INTS7: variants seen among roughly 807,000 people sequenced by gnomAD.
INTS7 encodes the protein chromosome 1 open reading frame 73.
In INTS7, 46 loss-of-function variants were observed where a neutral mutation model predicts 109.2. The observed-to-expected ratio is 0.42, with a 90% CI of 0.33 to 0.54. The LOEUF is 0.54. INTS7 is among the 20% of genes least tolerant of loss of function. The pLI, the probability that INTS7 is intolerant of heterozygous loss-of-function variation, is 0.07. For missense variants in INTS7, 929 were observed against 1,132.4 expected (o/e 0.82, Z 2.58); for synonymous variants, 412 against 402.9 (o/e 1.02, Z -0.27).
intron 1 of INTS7, among the ~76,000 whole-genome samples, chr1:212,024,129 A>G (rs1358184146): frequency 2.0e-5 from 3 of 152,118 alleles, no homozygotes; most frequent in African/African-American, 7.2e-5. Context: ...ATAGTTTGAA[A>G]TTGGGTAATG....
rs1571925786 is a variant in INTS7, at chr1:212,032,482, T to C, written c.94+2862A>G. ...ACCTGAACGGGACTCTGGTTATCTT[T>C]CTTTTTTTTTTTTCGAGACAGTCTT... On this transcript the variant is annotated intron_variant, in intron 1 of 19. Coordinates refer to ENST00000366994, the MANE Select transcript of INTS7 (RefSeq NM_015434.4). 3.9e-5 allele frequency among the ~76,000 whole-genome samples: 6 copies of C among 151,904 alleles called. No individual in the cohort carries two copies. In the South Asian group the frequency reaches 1.0e-3, roughly 26 times the overall value.
intron 17 of INTS7, among the ~76,000 whole-genome samples, chr1:211,948,157 T>G (rs559580027): frequency 3.1e-4 from 47 of 151,806 alleles, no homozygotes; most frequent in African/African-American, 9.0e-4. Flanking sequence ...GCTCATGCTG[T>G]AAACATTTTT....
At chr1:211,944,261 T>C (rs946247581) in intron 19 of INTS7, among the ~76,000 whole-genome samples, 1 of 152,198 alleles carries the variant, frequency 6.6e-6, no homozygotes, top group African/African-American at 2.4e-5. Context: ...CCTCCTGATG[T>C]AAGAGAGACC....
chr1:211,976,777 A>T, intron 11 of INTS7, 58 bp from the exon 12 acceptor site: 1 of 1,551,976 alleles, frequency 6.4e-7, no homozygotes, highest in Non-Finnish European at 8.9e-7. Flanking sequence ...AGTGTCATTG[A>T]TAACCTACCC....
Position 211,946,489 on chromosome 1 carries a change from A to G in INTS7, c.2415+118T>C, listed in dbSNP as rs750426311. On this transcript the variant is annotated intron_variant, in intron 18 of 19. Coordinates refer to ENST00000366994, the MANE Select transcript of INTS7 (RefSeq NM_015434.4). The surrounding 1 kb of genome is among the most constrained non-coding windows in gnomAD (Gnocchi z 4.3). ...AGACTCTGTCTCAAAAAACAAAACAAAACAAAAAAACCAATAAACCAAAGG... is the reference window on the plus strand; with the variant it reads ...AGACTCTGTCTCAAAAAACAAAACAGAACAAAAAAACCAATAAACCAAAGG... 1.4e-5 allele frequency: 9 copies of G among 623,822 alleles called. No homozygotes were observed. The highest frequency in any genetic ancestry group is 2.5e-5 in the Non-Finnish European group (9 of 361,828). The allele number at this position is 623,822 out of a possible 1,614,324, so 38.6% of individuals were successfully genotyped here. A position where few individuals can be genotyped will look rare whatever the true frequency, so the allele number is the denominator to read the frequency against.
chr1:211,980,445 A>AT (rs1013930522), intron 10 of INTS7, among the ~76,000 whole-genome samples: 1 of 151,706 alleles, frequency 6.6e-6, no homozygotes, highest in African/African-American at 2.4e-5. Flanking sequence ...TTATTTATTT[A>AT]TTTTTTTTGA....
At position 211,987,956 on chromosome 1, in the gene INTS7, T is replaced by C. The variant is rs529783782; in HGVS notation, c.927A>G (p.Leu309=). ...GTGTGGAAAGGACAGACAACATCCC[T>C]AGTTTTAAGCTGTCATAAGGAGTCT... ...ALQTPYDSLK[L]GMLSVLSTLS... The change falls in exon 8 of 20, where the codon CTA becomes CTG. Residue 309 remains leucine (L), a synonymous_variant. Coordinates refer to ENST00000366994, the MANE Select transcript of INTS7 (RefSeq NM_015434.4). 3.7e-6 allele frequency: 6 copies of C among 1,612,816 alleles called. No homozygotes were observed. Among genetic ancestry groups the C allele is most frequent in the East Asian group, 4.5e-5 (2 of 44,850 alleles).
chr1:212,021,248 G>T, intron 1 of INTS7, 36 bp from the exon 2 acceptor site: 1 of 1,561,538 alleles, frequency 6.4e-7, no homozygotes, highest in Non-Finnish European at 8.6e-7. Context: ...GGGAAGAACA[G>T]TTTGCATATT....
intron 16 of INTS7, among the ~76,000 whole-genome samples, chr1:211,962,309 G>C (rs1316703330): frequency 7.0e-6 from 1 of 143,364 alleles, no homozygotes; most frequent in African/African-American, 2.6e-5. Context: ...AATGGTAAAA[G>C]GTTCAATTCA....
chr1:211,970,573 C>T (rs1007146992), intron 13 of INTS7, among the ~76,000 whole-genome samples: 1 of 151,986 alleles, frequency 6.6e-6, no homozygotes, highest in East Asian at 1.9e-4. Flanking sequence ...AGATTAGTAT[C>T]CAGAACATAT....
intron 7 of INTS7, among the ~76,000 whole-genome samples, chr1:211,991,901 GA>G (rs1156929278): frequency 6.6e-6 from 1 of 152,238 alleles, no homozygotes; most frequent in African/African-American, 2.4e-5. Flanking sequence ...GAGGCCAAGA[GA>G]AGGGGCAGGT....
At chr1:211,958,783 T>C (rs777251472) in intron 16 of INTS7, among the ~76,000 whole-genome samples, 40 of 152,272 alleles carry the variant, frequency 2.6e-4, no homozygotes, top group East Asian at 5.8e-4. Context: ...GAAACTGATA[T>C]TGGAATCTCA....
intron 16 of INTS7, 47 bp from the exon 17 acceptor site, chr1:211,952,748 A>AT (rs1663159344): frequency 6.8e-6 from 10 of 1,476,638 alleles, no homozygotes; most frequent in African/African-American, 2.8e-5. Flanking sequence ...TAGCATGGCT[A>AT]TTTAATGCCT....
intron 1 of INTS7, among the ~76,000 whole-genome samples, chr1:212,033,188 G>A (rs1285351575): frequency 6.6e-6 from 1 of 151,974 alleles, no homozygotes; most frequent in African/African-American, 2.4e-5. Context: ...CTTGGAGTTT[G>A]GGAACGAAAA....
At chr1:211,945,087 C>T in intron 18 of INTS7, 118 bp from the exon 19 acceptor site, 1 of 840,280 alleles carries the variant, frequency 1.2e-6, no homozygotes, top group Non-Finnish European at 1.9e-6. Flanking sequence ...CTCCCCCACC[C>T]CCACAGGACC....
intron 3 of INTS7, among the ~76,000 whole-genome samples, chr1:212,018,295 A>G (rs773387686): frequency 6.6e-6 from 1 of 152,066 alleles, no homozygotes; most frequent in South Asian, 2.1e-4. Context: ...AGCTTTCTAG[A>G]GATCGCTGGC....
intron 17 of INTS7, among the ~76,000 whole-genome samples, chr1:211,947,521 C>T (rs1424709724): frequency 1.3e-5 from 2 of 152,142 alleles, no homozygotes; most frequent in Non-Finnish European, 2.9e-5. Flanking sequence ...TCTCAGTGGC[C>T]TCGTAAGTCA....
Position 211,952,458 on chromosome 1 carries a change from A to G in INTS7, c.2316+111T>C, listed in dbSNP as rs1007724909. 13 of 1,084,976 alleles carry G rather than the reference A, an allele frequency of 1.2e-5. No individual in the cohort carries two copies. The African/African-American group carries it at 1.9e-4, about 16-fold the overall frequency. The allele number at this position is 1,084,976 out of a possible 1,614,324, so 67.2% of individuals were successfully genotyped here. The stretch of plus-strand genomic sequence containing the variant: ...AGGTATTAACCCTGTTTTATGGATA[A>G]GGAAACAGGCACAGAAAGGTTAATT... On this transcript the variant is annotated intron_variant, in intron 17 of 19. Coordinates refer to ENST00000366994, the MANE Select transcript of INTS7 (RefSeq NM_015434.4).
intron 17 of INTS7, among the ~76,000 whole-genome samples, chr1:211,951,542 G>A (rs551017855): frequency 8.5e-5 from 13 of 152,248 alleles, no homozygotes; most frequent in Admixed American, 3.9e-4. Context: ...TCCTGGCCTC[G>A]TGATCTGCCC....
Sources: gnomAD v4.1 joint callset for allele counts (sites outside exome capture counted in the v4.1 genomes callset) on GRCh38, gnomAD v4.1.1 for gene constraint, Gnocchi (gnomAD v3.1) non-coding constraint, MANE v1.5 for transcripts, NCBI Gene and HGNC (gene_info 2026-07-23, HGNC 2026-07-21) for gene names.